WBP1L: variants seen among roughly 807,000 people sequenced by gnomAD.
WBP1L encodes WW domain binding protein 1 like.
In WBP1L, 17 loss-of-function variants were observed where a neutral mutation model predicts 33.7. That is an observed-to-expected ratio of 0.50 (90% CI 0.34 to 0.76). WBP1L has a LOEUF of 0.76. Ranked by LOEUF, WBP1L falls within the 30% of genes least tolerant of loss-of-function variation. The pLI, the probability that WBP1L is intolerant of heterozygous loss-of-function variation, is 0.01. For missense variants in WBP1L, 389 were observed against 469.4 expected, an observed-to-expected ratio of 0.83 and a Z score of 1.58; for synonymous variants, 173 against 190.8, an observed-to-expected ratio of 0.91 and a Z score of 0.77.
chr10:102,770,003 T>C (rs749591178), intron 1 of WBP1L, among the ~76,000 whole-genome samples: 34 of 152,226 alleles, frequency 2.2e-4, no homozygotes, highest in Admixed American at 9.8e-4. Context: ...GCTACATGCC[T>C]GCCTTTGTCC....
chr10:102,780,352 C>G (rs1332529641), intron 1 of WBP1L, among the ~76,000 whole-genome samples: 1 of 152,178 alleles, frequency 6.6e-6, no homozygotes, highest in Non-Finnish European at 1.5e-5. Context: ...CCTTTATTAT[C>G]TGACAAGATC....
chr10:102,763,690 A>G (rs757349992), intron 1 of WBP1L, among the ~76,000 whole-genome samples: 4 of 152,220 alleles, frequency 2.6e-5, no homozygotes, highest in African/African-American at 7.2e-5. Flanking sequence ...TCAGACCTCC[A>G]GTATATTCAT....
chr10:102,790,104 C>T (rs1372582080), intron 1 of WBP1L, among the ~76,000 whole-genome samples: 4 of 152,038 alleles, frequency 2.6e-5, no homozygotes, highest in Non-Finnish European at 5.9e-5. Flanking sequence ...TATTTCCTCT[C>T]CTCCATTCTT....
chr10:102,807,049 C>G (rs1188992396), intron 2 of WBP1L, among the ~76,000 whole-genome samples: 1 of 151,946 alleles, frequency 6.6e-6, no homozygotes, highest in Admixed American at 6.6e-5. Context: ...ACAAGAGATA[C>G]ATGTGGAACT....
intron 1 of WBP1L, among the ~76,000 whole-genome samples, chr10:102,757,885 C>T (rs1317564442): frequency 1.8e-4 from 10 of 57,068 alleles, no homozygotes; most frequent in Non-Finnish European, 3.4e-4. Flanking sequence ...CTCCCCCCCC[C>T]CCTTTTTTTT....
At chr10:102,804,111 A>G (rs986745402) in intron 2 of WBP1L, 1 of 152,108 alleles carries the variant, frequency 6.6e-6, no homozygotes, top group African/African-American at 2.4e-5. Flanking sequence ...TAAGTTGGCC[A>G]GGTGTGGTGA....
intron 1 of WBP1L, among the ~76,000 whole-genome samples, chr10:102,769,548 C>T (rs1253643703): frequency 6.6e-6 from 1 of 152,072 alleles, no homozygotes; most frequent in African/African-American, 2.4e-5. Context: ...TCTTTGTTAT[C>T]CCCACAGCAC....
chr10:102,773,490 A>G (rs1249826009), intron 1 of WBP1L, among the ~76,000 whole-genome samples: 1 of 151,860 alleles, frequency 6.6e-6, no homozygotes, highest in East Asian at 1.9e-4. Flanking sequence ...GGAAGTCTAT[A>G]ATGCAATTTT....
chr10:102,801,239 G>A (rs185595349), intron 2 of WBP1L, among the ~76,000 whole-genome samples: 2 of 152,238 alleles, frequency 1.3e-5, no homozygotes, highest in Non-Finnish European at 1.5e-5. Flanking sequence ...GGACCTGATC[G>A]TTGTTAGTAT....
chr10:102,803,402 G>A (rs1298893472), intron 2 of WBP1L, among the ~76,000 whole-genome samples: 1 of 152,114 alleles, frequency 6.6e-6, no homozygotes, highest in Non-Finnish European at 1.5e-5. Context: ...TGTAGTCATG[G>A]GGCACATGAC....
chr10:102,775,330 G>T (rs557480109), intron 1 of WBP1L, among the ~76,000 whole-genome samples: 1 of 152,192 alleles, frequency 6.6e-6, no homozygotes, highest in Admixed American at 6.5e-5. Flanking sequence ...TTACACCACC[G>T]ACTAGGGAAA....
At chr10:102,776,457 G>C in intron 1 of WBP1L, 1 of 1,613,820 alleles carries the variant, frequency 6.2e-7, no homozygotes, top group South Asian at 1.1e-5. Context: ...AAGGGAAGAA[G>C]GGGTGGGAGC....
At chr10:102,756,198 G>T (rs1842974288) in intron 1 of WBP1L, among the ~76,000 whole-genome samples, 1 of 152,146 alleles carries the variant, frequency 6.6e-6, no homozygotes, top group Non-Finnish European at 1.5e-5. Flanking sequence ...GGATCACGAG[G>T]TCAGGAGTTC....
intron 1 of WBP1L, among the ~76,000 whole-genome samples, chr10:102,769,424 T>C (rs1291780737): frequency 6.6e-6 from 1 of 151,806 alleles, no homozygotes; most frequent in East Asian, 1.9e-4. Context: ...GCTCCTCTTG[T>C]GTGACTGTGT....
intron 1 of WBP1L, among the ~76,000 whole-genome samples, chr10:102,777,272 A>C (rs577661226): frequency 4.6e-5 from 7 of 152,248 alleles, no homozygotes; most frequent in African/African-American, 1.7e-4. Context: ...GAGGGAGCAC[A>C]CACCCTCTGC....
chr10:102,776,326 A>T (rs1413546686), intron 1 of WBP1L: 12 of 1,613,474 alleles, frequency 7.4e-6, no homozygotes, highest in Non-Finnish European at 1.0e-5. Context: ...GGCAATGCTC[A>T]TTCCAAGACC....
chr10:102,764,529 TG>T (rs1843084528), intron 1 of WBP1L, among the ~76,000 whole-genome samples: 1 of 152,192 alleles, frequency 6.6e-6, no homozygotes, highest in Non-Finnish European at 1.5e-5. Flanking sequence ...GGCCTGGCTG[TG>T]GGCGGCCATT....
Position 102,813,172 on chromosome 10 carries a change from G to C in WBP1L, c.933G>C (p.Arg311=). The C allele has an allele frequency of 6.2e-7, 1 of 1,613,916 alleles. No homozygotes were observed. Among genetic ancestry groups the C allele is most frequent in the Non-Finnish European group, 8.5e-7 (1 of 1,180,016 alleles). ...ACTTCTGCGACAGCTGCCATGTGCG[G>C]CCCCCTGGTGATGAGGAGGAAGGCC... ...PLDFCDSCHV[R]PPGDEEEGLC... is the part of the protein sequence containing the mutation. The change falls in exon 4 of 4, where the codon CGG becomes CGC. Residue 311 remains arginine (R), a synonymous_variant. Coordinates refer to ENST00000448841, the MANE Select transcript of WBP1L (RefSeq NM_001083913.2).
At chr10:102,764,291 ACATTAGCTTTTCTGGGAGGGC>A (rs1315330053) in intron 1 of WBP1L, among the ~76,000 whole-genome samples, 1 of 152,184 alleles carries the variant, frequency 6.6e-6, no homozygotes, top group Non-Finnish European at 1.5e-5. Flanking sequence ...AAGAACAACA[ACATTAGCTTTTCTGGGAGGGC>A]CAATGGCTGT....
Sources: allele counts gnomAD v4.1 joint callset (sites outside exome capture counted in the v4.1 genomes callset), GRCh38; gene constraint gnomAD v4.1.1; transcripts MANE v1.5; gene names NCBI Gene and HGNC (gene_info 2026-07-23, HGNC 2026-07-21).